ENG: variants seen among roughly 807,000 people sequenced by gnomAD.
The protein encoded by ENG is endoglin.
ENG carries 17 observed loss-of-function variants against 71.0 expected under a neutral mutation model. The ratio of observed to expected loss-of-function variants is 0.24; its 90% CI spans 0.16 to 0.36. The LOEUF is 0.36. Ranked by LOEUF, ENG falls within the 10% of genes least tolerant of loss-of-function variation. The probability of loss-of-function intolerance (pLI) is 1.00; values close to 1 mark genes in which losing one functional copy is unlikely to be tolerated. For synonymous variants in ENG, 360 were observed against 366.9 expected, an observed-to-expected ratio of 0.98 and a Z score of 0.21; for missense variants, 749 against 868.3, an observed-to-expected ratio of 0.86 and a Z score of 1.73.
In ENG at chr9:127,818,711, G is replaced by T. The variant is rs1564452925; in HGVS notation, c.1428+5C>A. 5.6e-6 allele frequency: 9 copies of T among 1,613,880 alleles called. No individual in the cohort carries two copies. The East Asian group carries it at 2.0e-4, about 36-fold the overall frequency. ...GGCCCGAGGGGTGACAGGCATGCCA[G>T]GTACCTGCACAAAGCTCTGCTGCCC... On this transcript the variant is annotated splice_donor_5th_base_variant and intron_variant, in intron 11 of 14. Transcript: ENST00000373203.
At chr9:127,829,882 G>A in intron 2 of ENG, 55 bp from the exon 3 acceptor site, 1 of 1,610,624 alleles carries the variant, frequency 6.2e-7, no homozygotes, top group South Asian at 1.1e-5. Flanking sequence ...TATAGGTTGT[G>A]CCACCCAGAC....
At chr9:127,817,800 G>A in intron 12 of ENG, 1 of 496,918 alleles carries the variant, frequency 2.0e-6, no homozygotes, top group Admixed American at 3.3e-5. Context: ...CATACTACAT[G>A]GATGTGCGGG....
In ENG at chr9:127,819,641, G is replaced by T. The variant is rs761353511; in HGVS notation, c.1292C>A (p.Ser431Ter). ...ISNEAVVNIL[S>*]SSSPQRKKVH... ...TCTCACCCGCTGTGGTGATGAGCTC[G>T]ACAGGATATTGACCACCGCCTGCGG... is the stretch of plus-strand genomic sequence containing the variant. Residue 431 changes from serine to a stop codon, truncating the protein, a stop_gained, in exon 10 of 15, where the codon TCG (serine) becomes TAG (stop). Coordinates refer to ENST00000373203, the MANE Select transcript of ENG (RefSeq NM_001114753.3). LOFTEE classifies it high-confidence loss of function. 6.2e-7 allele frequency: 1 copy of T among 1,612,288 alleles called. No individual in the cohort carries two copies. The highest frequency in any genetic ancestry group is 1.1e-5 in the South Asian group (1 of 90,580).
chr9:127,827,477 G>T (rs1830648624), intron 3 of ENG, among the ~76,000 whole-genome samples: 1 of 152,080 alleles, frequency 6.6e-6, no homozygotes, highest in African/African-American at 2.4e-5. Flanking sequence ...GAGGAGGAAA[G>T]CAGACAGGGA....
chr9:127,837,534 C>A (rs1014902430), intron 2 of ENG, among the ~76,000 whole-genome samples: 1 of 152,124 alleles, frequency 6.6e-6, no homozygotes, highest in African/African-American at 2.4e-5. Flanking sequence ...TGGCACTGGG[C>A]CCAGCCTGGG....
At chr9:127,837,434 T>G (rs1830924935) in intron 2 of ENG, among the ~76,000 whole-genome samples, 1 of 152,168 alleles carries the variant, frequency 6.6e-6, no homozygotes, top group Middle Eastern at 3.4e-3. Flanking sequence ...TGCTTCTTCC[T>G]CAGCTGAGGG....
intron 3 of ENG, among the ~76,000 whole-genome samples, chr9:127,828,126 G>A (rs953133349): frequency 2.0e-5 from 3 of 151,734 alleles, no homozygotes; most frequent in Non-Finnish European, 4.4e-5. Context: ...AGATATTGAG[G>A]ACTGCCAGAT....
rs539701574 is a variant in ENG at position 127,838,140 on chromosome 9, G to C, written c.219+4954C>G. Among the ~76,000 whole-genome samples the C allele has an allele frequency of 7.9e-5, 12 of 152,190 alleles. No homozygotes were observed. Among genetic ancestry groups the C allele is most frequent in the Non-Finnish European group, 1.3e-4 (9 of 68,030 alleles). On this transcript the variant is annotated intron_variant, in intron 2 of 14. Coordinates refer to ENST00000373203, the MANE Select transcript of ENG (RefSeq NM_001114753.3). This position sits in a 1 kb window ranked among gnomAD's most constrained non-coding sequence, Gnocchi z 4.3. ...GCCAACTCAACCATCCTTCAGGTCTGGGGGAGCTCACATAGCCATGCAGTG... is the reference window on the plus strand; with the variant it reads ...GCCAACTCAACCATCCTTCAGGTCTCGGGGAGCTCACATAGCCATGCAGTG...
chr9:127,833,583 A>T (rs1830822299), intron 2 of ENG, among the ~76,000 whole-genome samples: 1 of 151,498 alleles, frequency 6.6e-6, no homozygotes, highest in South Asian at 2.1e-4. Context: ...CCACCAACTC[A>T]GGAGGACAAA....
rs2131877025 is a variant in ENG at position 127,818,789 on chromosome 9, A to G, written c.1355T>C (p.Leu452Pro). 1 of 1,614,140 alleles carries G rather than the reference A, an allele frequency of 6.2e-7. No homozygotes were observed. Among genetic ancestry groups the G allele is most frequent in the Non-Finnish European group, 8.5e-7 (1 of 1,180,012 alleles). Residue 452 changes from leucine (L) to proline (P), a missense_variant, in exon 11 of 15, where the codon CTG becomes CCG. Leu to Pro is a moderately conservative substitution (Grantham distance 98, BLOSUM62 -3). Transcript: ENST00000373203. ...GAAGTGTGGGCTGAGGTAGAGGCCC[A>G]GCTGGAAAGAGAGGCTGTCCATGTT... ...CLNMDSLSFQ[L>P]GLYLSPHFLQ...
At chr9:127,843,287 G>C in intron 1 of ENG, 42 bp from the exon 2 acceptor site, 1 of 1,613,586 alleles carries the variant, frequency 6.2e-7, no homozygotes, top group Non-Finnish European at 8.5e-7. Flanking sequence ...TGAGAATAAG[G>C]TGATGACAAT....
chr9:127,819,511 C>T (rs570586876), intron 10 of ENG, 111 bp downstream of exon 10: 2 of 1,459,518 alleles, frequency 1.4e-6, no homozygotes, highest in Admixed American at 1.8e-5. Flanking sequence ...TCCAGACACA[C>T]ATGGCTTGCC....
intron 2 of ENG, among the ~76,000 whole-genome samples, chr9:127,830,495 T>C (rs1337724220): frequency 1.3e-5 from 2 of 151,430 alleles, no homozygotes; most frequent in Admixed American, 1.3e-4. Context: ...ATACAAAAAA[T>C]TAGCCAGGTG....
intron 13 of ENG, chr9:127,816,294 C>T (rs1406662864): frequency 5.1e-6 from 3 of 588,702 alleles, no homozygotes; most frequent in East Asian, 2.9e-5. Flanking sequence ...ATGCCTCTGC[C>T]CCTCAAGGCT....
Position 127,818,679 on chromosome 9 carries a change from G to C in ENG, c.1428+37C>G, listed in dbSNP as rs763911667. The C allele has an allele frequency of 2.5e-6, 4 of 1,599,320 alleles. No individual in the cohort carries two copies. In the East Asian group the frequency reaches 8.9e-5, roughly 36 times the overall value. ...GAAAGGCGGAGAGGAAGTTCCAGGA[G>C]CTGGGAGGCCCGAGGGGTGACAGGC... On this transcript the variant is annotated intron_variant, in intron 11 of 14. Transcript: ENST00000373203.
At chr9:127,841,739 G>A (rs1489265722) in intron 2 of ENG, among the ~76,000 whole-genome samples, 1 of 152,188 alleles carries the variant, frequency 6.6e-6, no homozygotes, top group Non-Finnish European at 1.5e-5. Flanking sequence ...GGGACCAAAG[G>A]CCACATCAAC....
At chr9:127,843,718 C>T (rs1258736302) in intron 1 of ENG, among the ~76,000 whole-genome samples, 1 of 122,550 alleles carries the variant, frequency 8.2e-6, no homozygotes, top group Non-Finnish European at 1.6e-5. Context: ...TACATATATA[C>T]ACCCACACAT....
chr9:127,826,728 C>A, intron 3 of ENG, 56 bp from the exon 4 acceptor site: 1 of 1,603,066 alleles, frequency 6.2e-7, no homozygotes, highest in East Asian at 2.2e-5. Context: ...CCCTCTCTAT[C>A]CCATGTAGGA....
intron 11 of ENG, 148 bp downstream of exon 11, chr9:127,818,568 C>G (rs1049550659): frequency 1.5e-6 from 2 of 1,365,694 alleles, no homozygotes; most frequent in Non-Finnish European, 2.1e-6. Flanking sequence ...TGAGCAATGC[C>G]TTCTCTGTCT....
Sources: allele counts gnomAD v4.1 joint callset (sites outside exome capture counted in the v4.1 genomes callset), GRCh38; gene constraint gnomAD v4.1.1; non-coding constraint Gnocchi (gnomAD v3.1); transcripts MANE v1.5; gene names NCBI Gene and HGNC (gene_info 2026-07-23, HGNC 2026-07-21).